The following TCERG1L variants were observed in gnomAD, a reference collection of about 807,000 sequenced individuals.
TCERG1L encodes transcription elongation regulator 1-like protein.
TCERG1L carries 37 observed loss-of-function variants against 56.3 expected under a neutral mutation model. The ratio of observed to expected loss-of-function variants is 0.66; its 90% CI spans 0.51 to 0.87. The LOEUF is 0.87. Ranked by LOEUF, TCERG1L falls within the 40% of genes least tolerant of loss-of-function variation. TCERG1L has a pLI of 0.00. For synonymous variants in TCERG1L, 324 were observed against 326.3 expected (o/e 0.99, Z 0.08); for missense variants, 799 against 774.2 (o/e 1.03, Z -0.38).
At chr10:131,180,325 G>A (rs2397748) in intron 4 of TCERG1L, among the ~76,000 whole-genome samples, 70,848 of 152,176 alleles carry the variant, frequency 0.47, 19,718 homozygotes, top group South Asian at 0.69. Flanking sequence ...AGGCCCAGCC[G>A]TAGAGACGGC....
At chr10:131,203,294 GAC>G (rs1316068488) in intron 4 of TCERG1L, among the ~76,000 whole-genome samples, 1 of 122,712 alleles carries the variant, frequency 8.1e-6, no homozygotes, top group African/African-American at 3.0e-5. Context: ...TCGCATGGGT[GAC>G]AGAGTGAGAC....
intron 9 of TCERG1L, among the ~76,000 whole-genome samples, chr10:131,106,903 C>CGA (rs1564792691): frequency 6.6e-6 from 1 of 152,190 alleles, no homozygotes; most frequent in Non-Finnish European, 1.5e-5. Context: ...GTAATACCCA[C>CGA]GAGCTCTTTT....
At chr10:131,168,213 C>G (rs1481973843) in intron 4 of TCERG1L, among the ~76,000 whole-genome samples, 1 of 152,214 alleles carries the variant, frequency 6.6e-6, no homozygotes, top group Non-Finnish European at 1.5e-5. Flanking sequence ...GTCCTCTGGC[C>G]CCTTCAAGCT....
At chr10:131,227,747 A>ATGG (rs35144055) in intron 4 of TCERG1L, among the ~76,000 whole-genome samples, 3 of 151,904 alleles carry the variant, frequency 2.0e-5, no homozygotes. Flanking sequence ...ACACGTCTTG[A>ATGG]TTACAAAACT....
chr10:131,106,361 AC>A (rs1298964033), intron 9 of TCERG1L, among the ~76,000 whole-genome samples: 1 of 152,188 alleles, frequency 6.6e-6, no homozygotes, highest in Non-Finnish European at 1.5e-5. Context: ...GCAAAGACCC[AC>A]AGCAGCCTAG....
chr10:131,289,777 TGA>T (rs200553066), intron 3 of TCERG1L, among the ~76,000 whole-genome samples: 1 of 45,500 alleles, frequency 2.2e-5, no homozygotes, highest in Non-Finnish European at 5.6e-5. Flanking sequence ...CCTATCGGTG[TGA>T]GTGTATGTGT....
At chr10:131,292,381 G>A (rs1045644487) in intron 3 of TCERG1L, among the ~76,000 whole-genome samples, 1 of 152,174 alleles carries the variant, frequency 6.6e-6, no homozygotes. Flanking sequence ...ATATGATGCT[G>A]TTGATGAAAT....
intron 4 of TCERG1L, among the ~76,000 whole-genome samples, chr10:131,179,417 T>C (rs2133450690): frequency 6.6e-6 from 1 of 152,330 alleles, no homozygotes; most frequent in East Asian, 1.9e-4. Context: ...GTAGGAAGAA[T>C]GTGCCCCGCA....
At chr10:131,177,675 C>T (rs1042636466) in intron 4 of TCERG1L, among the ~76,000 whole-genome samples, 2 of 152,172 alleles carry the variant, frequency 1.3e-5, no homozygotes, top group Non-Finnish European at 1.5e-5. Flanking sequence ...GGACCCCCAT[C>T]TGGACAGCCC....
chr10:131,248,227 T>A (rs769475563), intron 4 of TCERG1L, among the ~76,000 whole-genome samples: 4 of 143,734 alleles, frequency 2.8e-5, no homozygotes, highest in Non-Finnish European at 6.0e-5. Flanking sequence ...CACACACAAC[T>A]CACACACACA....
At chr10:131,130,319 T>C (rs1845604962) in intron 8 of TCERG1L, among the ~76,000 whole-genome samples, 2 of 152,158 alleles carry the variant, frequency 1.3e-5, no homozygotes, top group South Asian at 2.1e-4. Flanking sequence ...GTCCCTCTCA[T>C]GACACGTGGC....
intron 4 of TCERG1L, among the ~76,000 whole-genome samples, chr10:131,231,588 G>A (rs572408972): frequency 1.3e-5 from 2 of 152,190 alleles, no homozygotes; most frequent in South Asian, 4.2e-4. Context: ...AGAGGGGTTC[G>A]GAGCAGGGAA....
At chr10:131,180,103 A>G (rs1437194814) in intron 4 of TCERG1L, among the ~76,000 whole-genome samples, 1 of 152,066 alleles carries the variant, frequency 6.6e-6, no homozygotes, top group Non-Finnish European at 1.5e-5. Context: ...TCGACAAGGG[A>G]CTCCAGCACA....
chr10:131,152,867 T>C (rs1486635366), intron 6 of TCERG1L, among the ~76,000 whole-genome samples: 1 of 152,082 alleles, frequency 6.6e-6, no homozygotes, highest in Non-Finnish European at 1.5e-5. Context: ...AGTGCCAGCA[T>C]AGGAAATGTC....
chr10:131,143,982 G>C (rs11017748), intron 7 of TCERG1L, among the ~76,000 whole-genome samples: 1 of 152,018 alleles, frequency 6.6e-6, no homozygotes, highest in Non-Finnish European at 1.5e-5. Flanking sequence ...AGCACTTCTG[G>C]AGGCGCTGCC....
intron 11 of TCERG1L, among the ~76,000 whole-genome samples, chr10:131,096,920 C>A (rs557596246): frequency 6.6e-6 from 1 of 151,184 alleles, no homozygotes; most frequent in South Asian, 2.1e-4. Flanking sequence ...CTGATTCTGG[C>A]TGGGCATGGT....
intron 4 of TCERG1L, among the ~76,000 whole-genome samples, chr10:131,210,619 C>A (rs943570842): frequency 6.6e-6 from 1 of 152,150 alleles, no homozygotes; most frequent in African/African-American, 2.4e-5. Flanking sequence ...TTAGGCATTG[C>A]GGGAACACAC....
rs569534413 is a variant in TCERG1L, at chr10:131,154,177, T to C, written c.1035-7517A>G. 3.9e-5 allele frequency among the ~76,000 whole-genome samples: 6 copies of C among 152,282 alleles called. No individual in the cohort carries two copies. In the South Asian group the frequency reaches 1.0e-3, roughly 26 times the overall value. ...CCCATATCCCAGAGGATATAGTTAG[T>C]GTATCAGCATTATTTAAGTCTGGTA... On this transcript the variant is annotated intron_variant, in intron 6 of 11. Coordinates refer to ENST00000368642, the MANE Select transcript of TCERG1L (RefSeq NM_174937.4).
Position 131,134,446 on chromosome 10 carries a change from C to G in TCERG1L, c.1192G>C (p.Asp398His). The G allele has an allele frequency of 6.3e-7, 1 of 1,589,214 alleles. No homozygotes were observed. Among genetic ancestry groups the G allele is most frequent in the East Asian group, 2.3e-5 (1 of 44,144 alleles). Residue 398 changes from aspartate to histidine, a missense_variant and splice_region_variant, in exon 8 of 12, where the codon GAC becomes CAC. Asp to His is a moderately conservative substitution (Grantham distance 81). Transcript: ENST00000368642. Reference sequence around the variant, plus strand: ...TCAGAACTGGACCCATCGCTGTTGTCAGCTGAAAGAAAATCAGATGAACAG... The same window carrying G: ...TCAGAACTGGACCCATCGCTGTTGTGAGCTGAAAGAAAATCAGATGAACAG... Reference protein sequence around the residue: ...HKRKLEAPATDNSDGSSSEDN... With the variant: ...HKRKLEAPATHNSDGSSSEDN...
Sources: allele counts gnomAD v4.1 joint callset (sites outside exome capture counted in the v4.1 genomes callset), GRCh38; gene constraint gnomAD v4.1.1; transcripts MANE v1.5; gene names NCBI Gene and HGNC (gene_info 2026-07-23, HGNC 2026-07-21).